Variants in PPP6R2 observed in about 807,000 individuals in gnomAD.
PPP6R2 encodes the protein protein phosphatase 6 regulatory subunit 2.
Under a neutral mutation model 100.2 loss-of-function variants are expected in PPP6R2, and 62 were observed. The ratio of observed to expected loss-of-function variants is 0.62; its 90% CI spans 0.50 to 0.76. The LOEUF is 0.76. PPP6R2 is among the 30% of genes least tolerant of loss of function. PPP6R2 has a pLI of 0.00. For missense variants in PPP6R2, 1,142 were observed against 1,276.3 expected (o/e 0.89, Z 1.60); for synonymous variants, 525 against 514.7 (o/e 1.02, Z -0.27).
intron 1 of PPP6R2, among the ~76,000 whole-genome samples, chr22:50,366,823 G>A (rs1479404786): frequency 6.6e-6 from 1 of 152,174 alleles, no homozygotes; most frequent in Non-Finnish European, 1.5e-5. Context: ...CTGCCAGCCA[G>A]CCTCCACTGC....
chr22:50,430,055 G>A (rs2062849151), intron 10 of PPP6R2, among the ~76,000 whole-genome samples: 2 of 152,270 alleles, frequency 1.3e-5, no homozygotes, highest in South Asian at 4.1e-4. Context: ...GGAGGCAGAA[G>A]AGGGTCTGGG....
chr22:50,409,716 G>A (rs551208382), intron 4 of PPP6R2, among the ~76,000 whole-genome samples: 7 of 152,046 alleles, frequency 4.6e-5, no homozygotes, highest in South Asian at 2.1e-4. Context: ...GTAAGCCACC[G>A]CGCCCGGCCG....
Position 50,431,256 on chromosome 22 carries a change from C to T in PPP6R2, c.1209C>T (p.Ala403=). The change falls in exon 11 of 24, where the codon GCC becomes GCT. Residue 403 remains alanine (A), a synonymous_variant. Coordinates refer to ENST00000612753, the MANE Select transcript of PPP6R2 (RefSeq NM_001242898.2). This position sits in a 1 kb window ranked among gnomAD's most constrained non-coding sequence, Gnocchi z 4.8. ...LCIAAILSHA[A]REERTEASGS... ...TAGCCGCTATTCTCTCCCACGCTGCCCGTGAGGAGAGGACAGAAGCCAGCG... is the reference window on the plus strand; with the variant it reads ...TAGCCGCTATTCTCTCCCACGCTGCTCGTGAGGAGAGGACAGAAGCCAGCG... 1 of 1,613,658 alleles carries T rather than the reference C, an allele frequency of 6.2e-7. No individual in the cohort carries two copies. Among genetic ancestry groups the T allele is most frequent in the Non-Finnish European group, 8.5e-7 (1 of 1,179,918 alleles).
chr22:50,386,856 A>G (rs1166302274), intron 2 of PPP6R2, among the ~76,000 whole-genome samples: 2 of 152,168 alleles, frequency 1.3e-5, no homozygotes, highest in Middle Eastern at 3.4e-3. Flanking sequence ...GTGGCCATGT[A>G]CCCAGCTGAC....
chr22:50,439,315 G>T (rs953283940), intron 19 of PPP6R2, among the ~76,000 whole-genome samples: 1 of 152,146 alleles, frequency 6.6e-6, no homozygotes, highest in Non-Finnish European at 1.5e-5. Context: ...CCAGATAGGA[G>T]GAAGACACCC....
Position 50,440,934 on chromosome 22 carries a change from G to A in PPP6R2, c.2487G>A (p.Lys829=), listed in dbSNP as rs1467737963. The A allele has an allele frequency of 4.3e-6, 7 of 1,613,530 alleles. No homozygotes were observed. The African/African-American group carries it at 6.7e-5, about 15-fold the overall frequency. ...CCCACAGCGAGGATGGCGACCAGAAGGCAGCGAGTGCCATGGATGCGGTGA... is the reference window on the plus strand; with the variant it reads ...CCCACAGCGAGGATGGCGACCAGAAAGCAGCGAGTGCCATGGATGCGGTGA... ...GGSHSEDGDQ[K]AASAMDAVSR... Residue 829 remains lysine (K), a synonymous_variant, in exon 22 of 24, where the codon AAG becomes AAA. Coordinates refer to ENST00000612753, the MANE Select transcript of PPP6R2 (RefSeq NM_001242898.2).
At chr22:50,415,213 G>C (rs1437563440) in intron 5 of PPP6R2, among the ~76,000 whole-genome samples, 1 of 152,206 alleles carries the variant, frequency 6.6e-6, no homozygotes, top group Non-Finnish European at 1.5e-5. Flanking sequence ...CAGGAAATCC[G>C]TGCTGACAAA....
chr22:50,413,114 C>T (rs1436560194), intron 4 of PPP6R2, among the ~76,000 whole-genome samples: 2 of 151,808 alleles, frequency 1.3e-5, no homozygotes, highest in Non-Finnish European at 2.9e-5. Context: ...TGCACCACCA[C>T]GCTTGGCTAA....
intron 1 of PPP6R2, among the ~76,000 whole-genome samples, chr22:50,366,421 A>G (rs2048777146): frequency 6.7e-6 from 1 of 150,116 alleles, no homozygotes; most frequent in Non-Finnish European, 1.5e-5. Flanking sequence ...CTCCTTCCTC[A>G]GCCTCCCCAG....
intron 2 of PPP6R2, among the ~76,000 whole-genome samples, chr22:50,384,822 C>T (rs1422217376): frequency 6.6e-6 from 1 of 152,142 alleles, no homozygotes; most frequent in Non-Finnish European, 1.5e-5. Flanking sequence ...CTCACTGCAG[C>T]TTCAACCTCC....
chr22:50,373,403 G>T (rs1200445596), intron 2 of PPP6R2, among the ~76,000 whole-genome samples: 2 of 151,288 alleles, frequency 1.3e-5, no homozygotes, highest in African/African-American at 2.4e-5. Flanking sequence ...CAGCACGCCC[G>T]GCTAATTTTT....
chr22:50,420,746 A>G (rs1004937690), intron 8 of PPP6R2, among the ~76,000 whole-genome samples: 8 of 152,220 alleles, frequency 5.3e-5, no homozygotes, highest in African/African-American at 4.8e-5. Context: ...AGGAGATCCT[A>G]TAGGGTGTGT....
rs542793846 is a variant in PPP6R2 at position 50,353,959 on chromosome 22, A to G, written c.-148+10409A>G. On this transcript the variant is annotated intron_variant, in intron 1 of 23. Transcript: ENST00000612753. ...GAATTGTAACGATAACTGATTATGT[A>G]TCAGGCATTTGTGTGTTCTTGTTTA... Among the ~76,000 whole-genome samples the G allele has an allele frequency of 1.1e-4, 16 of 152,236 alleles. No homozygotes were observed. The East Asian group carries it at 2.9e-3, about 28-fold the overall frequency.
rs769939800 is a variant in PPP6R2, at chr22:50,422,315, A to G, written c.907A>G (p.Ser303Gly). Residue 303 changes from serine (S) to glycine (G), a missense_variant, in exon 9 of 24, where the codon AGC becomes GGC. By Grantham distance (56) the Ser-to-Gly change is moderately conservative. Coordinates refer to ENST00000612753, the MANE Select transcript of PPP6R2 (RefSeq NM_001242898.2). ...GGAAAGGTCATACGCTGTCAGCAGCAGCGTACTACACGGCATCGAGCCTCG... is the reference window on the plus strand; with the variant it reads ...GGAAAGGTCATACGCTGTCAGCAGCGGCGTACTACACGGCATCGAGCCTCG... ...GLERSYAVSS[S>G]VLHGIEPRLK... The G allele has an allele frequency of 5.0e-6, 8 of 1,614,164 alleles. No homozygotes were observed. Among genetic ancestry groups the G allele is most frequent in the Middle Eastern group, 1.6e-4 (1 of 6,062 alleles).
the PPP6R2 span, among the ~76,000 whole-genome samples, chr22:50,337,328 G>GGT: frequency 7.0e-6 from 1 of 142,368 alleles, no homozygotes; most frequent in Admixed American, 7.1e-5. Context: ...ATGTGTGTGT[G>GGT]GTGTGTGTGT....
Position 50,387,018 on chromosome 22 carries a change from G to A in PPP6R2, c.-16-6875G>A, listed in dbSNP as rs138682345. Among the ~76,000 whole-genome samples the A allele has an allele frequency of 2.8e-3, 424 of 152,216 alleles. 1 individual carries two copies. Among genetic ancestry groups the A allele is most frequent in the African/African-American group, 9.6e-3 (399 of 41,548 alleles). On this transcript the variant is annotated intron_variant, in intron 2 of 23. Coordinates refer to ENST00000612753, the MANE Select transcript of PPP6R2 (RefSeq NM_001242898.2). ...CGCGGTACCTTACTACTGTTTTTGG[G>A]AAGAAGCAGCCTTTGCGAACTTTAT...
Position 50,394,102 on chromosome 22 carries a change from C to T in PPP6R2, c.194C>T (p.Pro65Leu), listed in dbSNP as rs775609741. 3.7e-6 allele frequency: 6 copies of T among 1,614,026 alleles called. No individual in the cohort carries two copies. Among genetic ancestry groups the T allele is most frequent in the Admixed American group, 3.3e-5 (2 of 60,008 alleles). ...CTGGTGAGCCTCATCACACAGGATC[C>T]GCCCCTGGACATGGAGGAGAAGGTC... is the stretch of plus-strand genomic sequence containing the variant. ...EELVSLITQD[P>L]PLDMEEKVRF... The change falls in exon 3 of 24, where the codon CCG (proline) becomes CTG (leucine). Residue 65 changes from proline to leucine, a missense_variant. This residue lies in a region of PPP6R2 where 592 missense variants were observed against 758.9 expected (regional missense o/e 0.78). Coordinates refer to ENST00000612753, the MANE Select transcript of PPP6R2 (RefSeq NM_001242898.2).
intron 3 of PPP6R2, among the ~76,000 whole-genome samples, chr22:50,399,437 G>A (rs1041813231): frequency 2.0e-4 from 31 of 152,232 alleles, no homozygotes; most frequent in African/African-American, 4.8e-5. Context: ...TGTGCTTCGC[G>A]ACTCTGCTAT....
At chr22:50,407,189 G>C (rs1287610050) in intron 4 of PPP6R2, among the ~76,000 whole-genome samples, 2 of 152,054 alleles carry the variant, frequency 1.3e-5, no homozygotes, top group African/African-American at 4.8e-5. Context: ...TCTACTAAAA[G>C]TACAAAAATT....
Sources: gnomAD v4.1 joint callset for allele counts (sites outside exome capture counted in the v4.1 genomes callset) on GRCh38, gnomAD v4.1.1 for gene constraint, gnomAD v4.1.1 regional missense constraint, Gnocchi (gnomAD v3.1) non-coding constraint, MANE v1.5 for transcripts, NCBI Gene and HGNC (gene_info 2026-07-23, HGNC 2026-07-21) for gene names.